SGCZ: variants seen among roughly 807,000 people sequenced by gnomAD.
The protein encoded by SGCZ is sarcoglycan zeta.
A neutral mutation model predicts 41.3 loss-of-function variants in SGCZ; 40 were observed. The observed-to-expected ratio is 0.97, with a 90% CI of 0.75 to 1.26. The LOEUF is 1.26. SGCZ is among the 50% of genes most tolerant of loss of function. SGCZ has a pLI of 0.00. For missense variants in SGCZ, 552 were observed against 369.8 expected (o/e 1.49, Z -4.04); for synonymous variants, 206 against 137.5 (o/e 1.50, Z -3.49).
chr8:15,117,467 T>C (rs1215465851), intron 1 of SGCZ, among the ~76,000 whole-genome samples: 1 of 152,190 alleles, frequency 6.6e-6, no homozygotes, highest in Non-Finnish European at 1.5e-5. Context: ...ACAAATCCAT[T>C]GTGGCATGAT....
intron 2 of SGCZ, among the ~76,000 whole-genome samples, chr8:14,538,403 T>C (rs1274772514): frequency 6.6e-6 from 1 of 151,872 alleles, no homozygotes; most frequent in Non-Finnish European, 1.5e-5. Flanking sequence ...ATGTATTCAA[T>C]ATGATGTAAA....
chr8:14,476,637 G>T (rs1329653651), intron 2 of SGCZ, among the ~76,000 whole-genome samples: 1 of 152,040 alleles, frequency 6.6e-6, no homozygotes, highest in East Asian at 1.9e-4. Flanking sequence ...CATTTATTGA[G>T]CAATTTCTAT....
chr8:15,194,657 A>G (rs1748810665), intron 1 of SGCZ, among the ~76,000 whole-genome samples: 1 of 152,144 alleles, frequency 6.6e-6, no homozygotes, highest in Non-Finnish European at 1.5e-5. Context: ...GAGAGACAGA[A>G]AGGGAGAGAG....
intron 1 of SGCZ, among the ~76,000 whole-genome samples, chr8:14,732,414 A>G (rs1394162829): frequency 6.6e-6 from 1 of 152,212 alleles, no homozygotes; most frequent in African/African-American, 2.4e-5. Flanking sequence ...AAGAAAATAA[A>G]TGAATCAAAA....
intron 2 of SGCZ, among the ~76,000 whole-genome samples, chr8:14,348,766 A>G (rs2117098664): frequency 6.6e-6 from 1 of 152,302 alleles, no homozygotes; most frequent in African/African-American, 2.4e-5. Context: ...TTTATGGCTA[A>G]GAATATATCA....
intron 1 of SGCZ, among the ~76,000 whole-genome samples, chr8:14,858,182 T>G: frequency 6.6e-6 from 1 of 152,106 alleles, no homozygotes; most frequent in African/African-American, 2.4e-5. Flanking sequence ...CCTAGAGAGC[T>G]ATTGTGTATA....
intron 1 of SGCZ, among the ~76,000 whole-genome samples, chr8:14,969,894 A>T (rs531088359): frequency 6.6e-6 from 1 of 152,226 alleles, no homozygotes; most frequent in Admixed American, 6.5e-5. Context: ...AATACTCAAG[A>T]CTGAAATGGC....
intron 4 of SGCZ, among the ~76,000 whole-genome samples, chr8:14,231,160 A>AGTGTGAGTGTGT (rs1806552607): frequency 8.9e-6 from 1 of 112,034 alleles, no homozygotes; most frequent in Admixed American, 9.4e-5. Context: ...TCTTTGGGCA[A>AGTGTGAGTGTGT]GTGTGTGTGT....
chr8:14,117,373 A>C (rs1441292921), intron 5 of SGCZ, among the ~76,000 whole-genome samples: 1 of 138,148 alleles, frequency 7.2e-6, no homozygotes, highest in Non-Finnish European at 1.6e-5. Context: ...TTTTTTTTTG[A>C]GAAAGCTTAA....
chr8:14,461,892 A>G (rs1800911663), intron 2 of SGCZ, among the ~76,000 whole-genome samples: 1 of 152,140 alleles, frequency 6.6e-6, no homozygotes, highest in Non-Finnish European at 1.5e-5. Flanking sequence ...ACAGCTGGAC[A>G]TAACATATTG....
chr8:15,200,315 C>G (rs750596307), intron 1 of SGCZ, among the ~76,000 whole-genome samples: 4 of 152,192 alleles, frequency 2.6e-5, no homozygotes, highest in Admixed American at 6.5e-5. Flanking sequence ...AATTCAGTAA[C>G]AACCTCATTA....
At chr8:14,357,475 T>C (rs778596519) in intron 2 of SGCZ, among the ~76,000 whole-genome samples, 49 of 152,210 alleles carry the variant, frequency 3.2e-4, no homozygotes, top group Non-Finnish European at 6.3e-4. Context: ...CCATTTTGTC[T>C]CTTAGAATGC....
At chr8:14,997,960 A>T (rs1362477568) in intron 1 of SGCZ, among the ~76,000 whole-genome samples, 2 of 151,578 alleles carry the variant, frequency 1.3e-5, no homozygotes, top group African/African-American at 4.9e-5. Flanking sequence ...ACTCTGTCAC[A>T]AAAGGAAAAA....
At chr8:14,534,776 T>G (rs74811919) in intron 2 of SGCZ, among the ~76,000 whole-genome samples, 7,980 of 152,056 alleles carry the variant, frequency 0.052, 282 homozygotes, top group Admixed American at 0.099. Context: ...CAATATCTGA[T>G]GCACATCACG....
rs148834469 is a variant in SGCZ at position 14,473,656 on chromosome 8, G to A, written c.234+81076C>T. Among the ~76,000 whole-genome samples, 48 of 152,140 alleles carry A rather than the reference G, an allele frequency of 3.2e-4. No homozygotes were observed. In the East Asian group the frequency reaches 8.5e-3, roughly 27 times the overall value. On this transcript the variant is annotated intron_variant, in intron 2 of 7. Coordinates refer to ENST00000382080, the MANE Select transcript of SGCZ (RefSeq NM_139167.4). Reference sequence around the variant, plus strand: ...CAACAGAAGTAAAAAATGAAAAAGCGGCCGGGCGAGGTGTCTCAAGCCTGT... The same window carrying A: ...CAACAGAAGTAAAAAATGAAAAAGCAGCCGGGCGAGGTGTCTCAAGCCTGT...
intron 1 of SGCZ, among the ~76,000 whole-genome samples, chr8:15,146,869 A>C (rs1799050492): frequency 6.6e-6 from 1 of 152,204 alleles, no homozygotes; most frequent in Non-Finnish European, 1.5e-5. Flanking sequence ...CATTAGGTTA[A>C]TAAAATTATG....
chr8:14,210,124 C>A (rs1805753480), intron 4 of SGCZ, among the ~76,000 whole-genome samples: 1 of 152,114 alleles, frequency 6.6e-6, no homozygotes, highest in Non-Finnish European at 1.5e-5. Flanking sequence ...GTTGTGTGAT[C>A]CTGGCTCACA....
intron 4 of SGCZ, among the ~76,000 whole-genome samples, chr8:14,169,489 A>C (rs1456290980): frequency 6.6e-6 from 1 of 152,086 alleles, no homozygotes; most frequent in Non-Finnish European, 1.5e-5. Flanking sequence ...TTGATCTTTT[A>C]GGAGAATCTG....
chr8:15,192,010 G>C lies in SGCZ; in HGVS notation c.39+45575C>G, dbSNP rs986683682. ...TGCATAAAAGTAGTACCTACATCAA[G>C]GGAATGTGGTGAAGATTAAATGAGT... On this transcript the variant is annotated intron_variant, in intron 1 of 7. Coordinates refer to ENST00000382080, the MANE Select transcript of SGCZ (RefSeq NM_139167.4). Among the ~76,000 whole-genome samples the C allele has an allele frequency of 2.0e-5, 3 of 151,982 alleles. No individual in the cohort carries two copies. In the East Asian group the frequency reaches 5.8e-4, roughly 29 times the overall value.
Sources: allele counts gnomAD v4.1 joint callset (sites outside exome capture counted in the v4.1 genomes callset), GRCh38; gene constraint gnomAD v4.1.1; transcripts MANE v1.5; gene names NCBI Gene and HGNC (gene_info 2026-07-23, HGNC 2026-07-21).